Variants in CACNA1C observed in about 807,000 individuals in gnomAD.
The protein encoded by CACNA1C is voltage-dependent L-type calcium channel subunit alpha-1C.
A neutral mutation model predicts 229.0 loss-of-function variants in CACNA1C; 30 were observed. That is an observed-to-expected ratio of 0.13 (90% CI 0.10 to 0.18). The LOEUF (loss-of-function observed/expected upper bound fraction) is 0.18, where lower values mean the gene tolerates loss of function less well. Among genes scored for constraint, CACNA1C ranks in the 10% least tolerant of loss-of-function variants. The probability of loss-of-function intolerance (pLI) is 1.00; values close to 1 mark genes in which losing one functional copy is unlikely to be tolerated. For missense variants in CACNA1C, 1,658 were observed against 2,845.0 expected, an observed-to-expected ratio of 0.58 and a Z score of 9.49; for synonymous variants, 1,114 against 1,132.5, an observed-to-expected ratio of 0.98 and a Z score of 0.33.
chr12:2,494,124 A>G (rs2099741985), intron 7 of CACNA1C, among the ~76,000 whole-genome samples: 1 of 152,140 alleles, frequency 6.6e-6, no homozygotes, highest in Non-Finnish European at 1.5e-5. Flanking sequence ...TCCACCCGTC[A>G]TCTATTAAGC....
At position 2,620,447 on chromosome 12, in the gene CACNA1C, A is replaced by G. The variant is rs559373467; in HGVS notation, c.3828+8434A>G. Among the ~76,000 whole-genome samples the G allele has an allele frequency of 6.6e-5, 10 of 152,282 alleles. No homozygotes were observed. The East Asian group carries it at 1.7e-3, about 26-fold the overall frequency. ...AGTAAATGTTAGCTGTCTTCCTTCT[A>G]AGATCCGAGACAGAAAGAAAGAAAG... On this transcript the variant is annotated intron_variant, in intron 29 of 46. Coordinates refer to ENST00000399655, the MANE Select transcript of CACNA1C (RefSeq NM_000719.7).
At chr12:2,168,878 T>C (rs2096358824) in intron 3 of CACNA1C, among the ~76,000 whole-genome samples, 1 of 152,112 alleles carries the variant, frequency 6.6e-6, no homozygotes, top group Admixed American at 6.5e-5. Flanking sequence ...CTTTCCTGTT[T>C]CTGAACCAAT....
At chr12:2,313,821 G>A (rs1037441465) in intron 3 of CACNA1C, among the ~76,000 whole-genome samples, 3 of 152,164 alleles carry the variant, frequency 2.0e-5, no homozygotes, top group South Asian at 2.1e-4. Flanking sequence ...GGCTTTTATC[G>A]CTTTTTATCT....
intron 3 of CACNA1C, among the ~76,000 whole-genome samples, chr12:2,419,929 A>G (rs1350624993): frequency 6.6e-6 from 1 of 152,064 alleles, no homozygotes; most frequent in Non-Finnish European, 1.5e-5. Context: ...TGCTAGGGTC[A>G]CTTCCACACC....
chr12:1,993,398 A>G (rs1226059824), intron 1 of CACNA1C: 1 of 1,609,080 alleles, frequency 6.2e-7, no homozygotes, highest in Non-Finnish European at 8.5e-7. Context: ...AGACCTAAAA[A>G]TCACAAGGAG....
chr12:2,578,157 C>T (rs1055002618), intron 13 of CACNA1C, among the ~76,000 whole-genome samples: 6 of 152,164 alleles, frequency 3.9e-5, no homozygotes, highest in South Asian at 4.1e-4. Context: ...CGTGAGCCAC[C>T]GCGCCCGGCC....
chr12:2,448,970 T>G lies in CACNA1C; in HGVS notation c.478-6T>G, dbSNP rs769218160. The G allele has an allele frequency of 2.5e-6, 4 of 1,605,878 alleles. No homozygotes were observed. Among genetic ancestry groups the G allele is most frequent in the Non-Finnish European group, 3.4e-6 (4 of 1,174,892 alleles). Reference sequence around the variant, plus strand: ...TTTTTCTCTCTTTTCTATTTCTGTTTCCTAGGAACGAGTGGAATATCTCTT... The same window carrying G: ...TTTTTCTCTCTTTTCTATTTCTGTTGCCTAGGAACGAGTGGAATATCTCTT... On this transcript the variant is annotated splice_region_variant and splice_polypyrimidine_tract_variant and intron_variant, in intron 3 of 46. Coordinates refer to ENST00000399655, the MANE Select transcript of CACNA1C (RefSeq NM_000719.7).
intron 5 of CACNA1C, among the ~76,000 whole-genome samples, chr12:2,477,903 T>C (rs1238183246): frequency 1.3e-5 from 2 of 152,016 alleles, no homozygotes; most frequent in Non-Finnish European, 2.9e-5. Flanking sequence ...GAGGAGATGG[T>C]GGGACAACCT....
chr12:2,231,309 C>A (rs1162671075), intron 3 of CACNA1C, among the ~76,000 whole-genome samples: 3 of 152,200 alleles, frequency 2.0e-5, no homozygotes, highest in African/African-American at 7.2e-5. Flanking sequence ...TCATTTCTAA[C>A]GTTAAATGGA....
chr12:2,177,608 CCT>C (rs2096700267), intron 3 of CACNA1C, among the ~76,000 whole-genome samples: 1 of 105,450 alleles, frequency 9.5e-6, no homozygotes, highest in African/African-American at 3.6e-5. Context: ...TTCCTTCCTT[CCT>C]TCCTTCCTTC....
At chr12:2,038,977 C>T (rs1039813777) in intron 1 of CACNA1C, among the ~76,000 whole-genome samples, 1 of 151,902 alleles carries the variant, frequency 6.6e-6, no homozygotes, top group African/African-American at 2.4e-5. Context: ...CCAGGTGTTA[C>T]AAATGGGACA....
chr12:2,577,216 T>C (rs112179357), intron 13 of CACNA1C, among the ~76,000 whole-genome samples: 1 of 152,382 alleles, frequency 6.6e-6, no homozygotes, highest in African/African-American at 2.4e-5. Flanking sequence ...TGAGCCATGT[T>C]TTAACTGTGT....
intron 3 of CACNA1C, among the ~76,000 whole-genome samples, chr12:2,143,762 T>C (rs1015901468): frequency 6.6e-6 from 1 of 151,144 alleles, no homozygotes; most frequent in Non-Finnish European, 1.5e-5. Flanking sequence ...TAAAGGACTT[T>C]GTTGAGAAGA....
chr12:2,071,079 C>A (rs1270871781), intron 1 of CACNA1C, among the ~76,000 whole-genome samples: 1 of 118,610 alleles, frequency 8.4e-6, no homozygotes, highest in East Asian at 2.5e-4. Context: ...TCCTTCCTTC[C>A]TTCTCTTTCT....
At chr12:2,423,168 CCT>C (rs1177595656) in intron 3 of CACNA1C, among the ~76,000 whole-genome samples, 2 of 151,948 alleles carry the variant, frequency 1.3e-5, no homozygotes, top group Non-Finnish European at 2.9e-5. Context: ...GTGAGAGGGC[CCT>C]CTCTGCTCCA....
intron 34 of CACNA1C, chr12:2,660,648 AC>A (rs1449579581): frequency 6.6e-6 from 1 of 151,902 alleles, no homozygotes; most frequent in Non-Finnish European, 1.5e-5. Flanking sequence ...AGATGGTGAA[AC>A]CCCATCTCTA....
At chr12:2,450,459 C>T (rs1485359123) in intron 4 of CACNA1C, among the ~76,000 whole-genome samples, 4 of 140,884 alleles carry the variant, frequency 2.8e-5, no homozygotes, top group Admixed American at 1.6e-4. Context: ...GAGGCTGAGG[C>T]AGGAGAATGG....
chr12:2,164,568 T>G (rs2154253296), intron 3 of CACNA1C, among the ~76,000 whole-genome samples: 1 of 152,380 alleles, frequency 6.6e-6, no homozygotes, highest in South Asian at 2.1e-4. Context: ...TAAGCTGTTG[T>G]GGCTTATCAC....
At chr12:2,567,162 G>C (rs897690007) in intron 12 of CACNA1C, among the ~76,000 whole-genome samples, 1 of 152,332 alleles carries the variant, frequency 6.6e-6, no homozygotes, top group Non-Finnish European at 1.5e-5. Context: ...AGAGTCCTGG[G>C]AGGCAGGGGG....
Sources: allele counts gnomAD v4.1 joint callset (sites outside exome capture counted in the v4.1 genomes callset), GRCh38; gene constraint gnomAD v4.1.1; transcripts MANE v1.5; gene names NCBI Gene and HGNC (gene_info 2026-07-23, HGNC 2026-07-21).